Variants in RIMS1 observed in about 807,000 individuals in gnomAD.
The protein encoded by RIMS1 is regulating synaptic membrane exocytosis protein 1.
RIMS1 carries 83 observed loss-of-function variants against 214.1 expected under a neutral mutation model. The ratio of observed to expected loss-of-function variants is 0.39; its 90% confidence interval spans 0.32 to 0.47. RIMS1 has a LOEUF of 0.47. Among genes scored for constraint, RIMS1 ranks in the 20% least tolerant of loss-of-function variants. The probability of loss-of-function intolerance (pLI) is 0.99; values close to 1 mark genes in which losing one functional copy is unlikely to be tolerated. For synonymous variants in RIMS1, 793 were observed against 786.8 expected, an observed-to-expected ratio of 1.01 and a Z score of -0.13; for missense variants, 2,050 against 2,161.8, an observed-to-expected ratio of 0.95 and a Z score of 1.03.
chr6:72,001,751 C>G (rs964046442), intron 2 of RIMS1, among the ~76,000 whole-genome samples: 17 of 152,064 alleles, frequency 1.1e-4, no homozygotes, highest in Non-Finnish European at 2.4e-4. Context: ...AAATAGTTTT[C>G]TAGGGCTAAG....
At chr6:72,260,626 G>A (rs2077552987) in intron 18 of RIMS1, 79 bp from the exon 19 acceptor site, 3 of 1,566,980 alleles carry the variant, frequency 1.9e-6, no homozygotes, top group Admixed American at 1.8e-5. Context: ...CCCTTTTCAT[G>A]TTTTCATTGG....
At chr6:72,296,420 A>G (rs1420486656) in intron 26 of RIMS1, among the ~76,000 whole-genome samples, 1 of 151,940 alleles carries the variant, frequency 6.6e-6, no homozygotes, top group African/African-American at 2.4e-5. Flanking sequence ...CTGCAGTCAT[A>G]CATCTGAGAA....
At chr6:72,038,118 A>AATATATATATATATATATAT (rs70994111) in intron 2 of RIMS1, among the ~76,000 whole-genome samples, 6 of 13,416 alleles carry the variant, frequency 4.5e-4, no homozygotes, top group African/African-American at 9.8e-4. Context: ...AAAAAAAAAA[A>AATATATATATATATATATAT]ATATATATAT....
chr6:72,258,696 T>C (rs2076838759), intron 17 of RIMS1, among the ~76,000 whole-genome samples: 1 of 152,168 alleles, frequency 6.6e-6, no homozygotes, highest in Non-Finnish European at 1.5e-5. Context: ...ATAAAACATA[T>C]AGTGCTCTAC....
intron 2 of RIMS1, among the ~76,000 whole-genome samples, chr6:72,090,493 C>T (rs565193360): frequency 5.9e-4 from 89 of 151,506 alleles, no homozygotes; most frequent in Non-Finnish European, 8.2e-4. Context: ...CAAGAAGCCA[C>T]GATGTACAAA....
intron 4 of RIMS1, among the ~76,000 whole-genome samples, chr6:72,109,571 G>T (rs1406894707): frequency 5.3e-5 from 8 of 150,684 alleles, no homozygotes; most frequent in Non-Finnish European, 1.2e-4. Context: ...TTGTAAATTT[G>T]TTTGAGTTCA....
chr6:71,961,850 G>T (rs1366451702), intron 1 of RIMS1, among the ~76,000 whole-genome samples: 2 of 152,122 alleles, frequency 1.3e-5, no homozygotes, highest in African/African-American at 2.4e-5. Context: ...TGTTGGATTT[G>T]CAGGCAGCAC....
In RIMS1 at chr6:72,265,306, C is replaced by G. The variant is rs1320500281; in HGVS notation, c.3195-84C>G. On this transcript the variant is annotated intron_variant, in intron 20 of 33. Coordinates refer to ENST00000521978, the MANE Select transcript of RIMS1 (RefSeq NM_014989.7). ...AACTCAAATGTCAGAATTCTAGTTG[C>G]TTTGTCATTTGTATATTGTTGTACT... The G allele has an allele frequency of 3.9e-6, 3 of 773,046 alleles. No individual in the cohort carries two copies. In the Admixed American group the frequency reaches 8.4e-5, roughly 22 times the overall value. The allele number at this position is 773,046 out of a possible 1,614,324, so 47.9% of individuals were successfully genotyped here.
At chr6:72,358,436 T>C (rs2097716273) in intron 29 of RIMS1, among the ~76,000 whole-genome samples, 1 of 152,160 alleles carries the variant, frequency 6.6e-6, no homozygotes, top group East Asian at 1.9e-4. Context: ...GAACAAATAT[T>C]TTGAAGTGGC....
intron 8 of RIMS1, among the ~76,000 whole-genome samples, chr6:72,237,215 AAGAG>A (rs552204532): frequency 1.0e-4 from 15 of 150,134 alleles, no homozygotes; most frequent in South Asian, 8.6e-4. Context: ...CAAAAATAGA[AAGAG>A]AGAGAGAGAG....
At chr6:72,390,763 G>A in intron 30 of RIMS1, 27 bp downstream of exon 30, 1 of 1,610,750 alleles carries the variant, frequency 6.2e-7, no homozygotes, top group Non-Finnish European at 8.5e-7. Flanking sequence ...CGTCTGCATG[G>A]CTGTGGAACC....
At chr6:72,354,515 AAAG>A (rs2097565653) in intron 29 of RIMS1, among the ~76,000 whole-genome samples, 1 of 152,252 alleles carries the variant, frequency 6.6e-6, no homozygotes, top group East Asian at 1.9e-4. Context: ...TCTTTAACAA[AAAG>A]AAGTAAAATG....
intron 2 of RIMS1, among the ~76,000 whole-genome samples, chr6:72,010,866 G>C (rs532006723): frequency 1.3e-5 from 2 of 152,272 alleles, no homozygotes; most frequent in South Asian, 4.1e-4. Context: ...ATATTCATGG[G>C]TAGGAAGAAT....
chr6:72,281,198 C>G (rs1758752525), intron 23 of RIMS1, among the ~76,000 whole-genome samples: 1 of 152,084 alleles, frequency 6.6e-6, no homozygotes, highest in Non-Finnish European at 1.5e-5. Context: ...ACAAAGTGTT[C>G]TCTAACTCTC....
chr6:71,977,406 T>C (rs1797420592), intron 2 of RIMS1, among the ~76,000 whole-genome samples: 1 of 152,186 alleles, frequency 6.6e-6, no homozygotes, highest in South Asian at 2.1e-4. Context: ...TCAACAAATA[T>C]TTAGTTTGTA....
rs868536424 is a variant in RIMS1, at chr6:71,887,016, C to T, written c.-8C>T. The T allele has an allele frequency of 6.2e-7, 1 of 1,611,058 alleles. No individual in the cohort carries two copies. The highest frequency in any genetic ancestry group is 8.5e-7 in the Non-Finnish European group (1 of 1,178,574). On this transcript the variant is annotated 5_prime_UTR_variant, in exon 1 of 34. Coordinates refer to ENST00000521978, the MANE Select transcript of RIMS1 (RefSeq NM_014989.7). ...AGAGCGAGCAGAGGGGGCGGGCAGG[C>T]CACGAAAATGTCCTCGGCCGTGGGG...
chr6:72,217,497 TCTTAA>T (rs1038580263), intron 6 of RIMS1, among the ~76,000 whole-genome samples: 57 of 152,322 alleles, frequency 3.7e-4, no homozygotes, highest in African/African-American at 1.1e-3. Context: ...TACATTTAAG[TCTTAA>T]CTTGAGATAT....
intron 1 of RIMS1, among the ~76,000 whole-genome samples, chr6:71,940,558 G>T (rs983781013): frequency 2.0e-5 from 3 of 152,184 alleles, no homozygotes; most frequent in Non-Finnish European, 2.9e-5. Flanking sequence ...AGTTAAATGG[G>T]CAAGGAAGAC....
intron 28 of RIMS1, among the ~76,000 whole-genome samples, chr6:72,314,219 C>A (rs1414124036): frequency 6.6e-6 from 1 of 152,064 alleles, no homozygotes; most frequent in African/African-American, 2.4e-5. Context: ...GGGAAAAGAC[C>A]CCAGACATCC....
Sources: allele counts gnomAD v4.1 joint callset (sites outside exome capture counted in the v4.1 genomes callset), GRCh38; gene constraint gnomAD v4.1.1; transcripts MANE v1.5; gene names NCBI Gene and HGNC (gene_info 2026-07-23, HGNC 2026-07-21).